The following CHSY3 variants were observed in gnomAD, a reference collection of about 807,000 sequenced individuals.
The protein encoded by CHSY3 is N-acetylgalactosaminyl-proteoglycan 3-beta-glucuronosyltransferase 3.
A neutral mutation model predicts 67.2 loss-of-function variants in CHSY3; 35 were observed. The observed-to-expected ratio is 0.52, with a 90% CI of 0.40 to 0.69. The LOEUF is 0.69. Among genes scored for constraint, CHSY3 ranks in the 30% least tolerant of loss-of-function variants. The pLI is 0.00. For missense variants in CHSY3, 1,069 were observed against 1,138.5 expected (o/e 0.94, Z 0.88); for synonymous variants, 474 against 434.7 (o/e 1.09, Z -1.12).
chr5:130,174,598 TTAATAA>T (rs1253146839), intron 2 of CHSY3, among the ~76,000 whole-genome samples: 3 of 152,066 alleles, frequency 2.0e-5, no homozygotes, highest in Non-Finnish European at 4.4e-5. Flanking sequence ...AATACCTACA[TTAATAA>T]TAATATAAAA....
At position 129,912,633 on chromosome 5, in the gene CHSY3, C is replaced by T. The variant is rs539263562; in HGVS notation, c.1086+4273C>T. Among the ~76,000 whole-genome samples the T allele has an allele frequency of 1.1e-4, 17 of 152,242 alleles. No homozygotes were observed. In the South Asian group the frequency reaches 2.9e-3, roughly 26 times the overall value. ...TATTTTGATATGTACTGCTTTTCACCAGGTTCCTAGTAAATTAATGTGCTC... is the reference window on the plus strand; with the variant it reads ...TATTTTGATATGTACTGCTTTTCACTAGGTTCCTAGTAAATTAATGTGCTC... On this transcript the variant is annotated intron_variant, in intron 2 of 2. Transcript: ENST00000305031.
chr5:130,161,252 C>T (rs954053425), intron 2 of CHSY3, among the ~76,000 whole-genome samples: 1 of 152,038 alleles, frequency 6.6e-6, no homozygotes, highest in Admixed American at 6.6e-5. Flanking sequence ...ATCCTTTGAC[C>T]ACTTATTAGA....
intron 2 of CHSY3, among the ~76,000 whole-genome samples, chr5:130,098,564 A>G (rs1282063103): frequency 6.6e-6 from 1 of 152,198 alleles, no homozygotes; most frequent in Non-Finnish European, 1.5e-5. Flanking sequence ...AAAATGGATA[A>G]TAATAACGTT....
At chr5:130,100,888 A>T (rs180802197) in intron 2 of CHSY3, among the ~76,000 whole-genome samples, 1 of 152,314 alleles carries the variant, frequency 6.6e-6, no homozygotes, top group Non-Finnish European at 1.5e-5. Flanking sequence ...TTTTGATCTA[A>T]TCAAACATAA....
chr5:129,951,014 A>C (rs1223826525), intron 2 of CHSY3, among the ~76,000 whole-genome samples: 3 of 152,178 alleles, frequency 2.0e-5, no homozygotes, highest in African/African-American at 7.2e-5. Flanking sequence ...ATAGTACTCA[A>C]AACAGTGTAG....
intron 2 of CHSY3, among the ~76,000 whole-genome samples, chr5:130,181,004 G>A (rs966159948): frequency 6.6e-6 from 1 of 152,056 alleles, no homozygotes. Flanking sequence ...CTACCTCTTG[G>A]CATTTATTCT....
intron 2 of CHSY3, among the ~76,000 whole-genome samples, chr5:129,964,427 C>T (rs988588409): frequency 2.6e-5 from 4 of 151,724 alleles, no homozygotes; most frequent in African/African-American, 9.7e-5. Context: ...TATAAATACC[C>T]TCCAGTAAAG....
chr5:130,180,118 G>T (rs369222621), intron 2 of CHSY3, among the ~76,000 whole-genome samples: 1 of 152,094 alleles, frequency 6.6e-6, no homozygotes, highest in Non-Finnish European at 1.5e-5. Flanking sequence ...TTTTCTTGGT[G>T]CTTTCTGAGA....
At chr5:129,939,569 A>G (rs1761632270) in intron 2 of CHSY3, among the ~76,000 whole-genome samples, 2 of 152,246 alleles carry the variant, frequency 1.3e-5, no homozygotes, top group Admixed American at 6.5e-5. Context: ...TAGAAATTAC[A>G]TACTTTGGAT....
intron 2 of CHSY3, among the ~76,000 whole-genome samples, chr5:129,925,893 G>A (rs10478903): frequency 1.5e-4 from 6 of 41,280 alleles, no homozygotes; most frequent in East Asian, 1.1e-3. Context: ...GTGTATATAT[G>A]TGTGTGTGCA....
At chr5:130,167,166 A>G (rs1239628781) in intron 2 of CHSY3, among the ~76,000 whole-genome samples, 2 of 152,058 alleles carry the variant, frequency 1.3e-5, no homozygotes, top group East Asian at 1.9e-4. Context: ...ATATACATAC[A>G]CAAAGCAAAG....
At chr5:130,023,494 G>A (rs1764450150) in intron 2 of CHSY3, among the ~76,000 whole-genome samples, 1 of 151,976 alleles carries the variant, frequency 6.6e-6, no homozygotes, top group African/African-American at 2.4e-5. Flanking sequence ...TAATGGGAAA[G>A]AAATTTCATA....
At chr5:129,984,098 C>A (rs116338398) in intron 2 of CHSY3, among the ~76,000 whole-genome samples, 50 of 151,924 alleles carry the variant, frequency 3.3e-4, no homozygotes, top group Admixed American at 7.2e-4. Flanking sequence ...TTGTGTGTTG[C>A]GGGAGTTTGA....
chr5:130,016,476 A>G (rs1281177584), intron 2 of CHSY3, among the ~76,000 whole-genome samples: 2 of 152,200 alleles, frequency 1.3e-5, no homozygotes, highest in African/African-American at 2.4e-5. Flanking sequence ...CAGTGGCACG[A>G]TCTCAGCTCA....
chr5:130,005,055 TAA>T (rs1052655854), intron 2 of CHSY3, among the ~76,000 whole-genome samples: 2 of 152,174 alleles, frequency 1.3e-5, no homozygotes, highest in African/African-American at 4.8e-5. Flanking sequence ...CTCAATATAT[TAA>T]AGTTTTTCGA....
At chr5:130,140,621 G>A (rs975054407) in intron 2 of CHSY3, 1 of 417,002 alleles carries the variant, frequency 2.4e-6, no homozygotes, top group South Asian at 4.1e-5. Context: ...TGACCTGGGA[G>A]ATGGCACTTT....
At chr5:130,066,317 C>CCT (rs1407777101) in intron 2 of CHSY3, among the ~76,000 whole-genome samples, 1 of 152,012 alleles carries the variant, frequency 6.6e-6, no homozygotes, top group Non-Finnish European at 1.5e-5. Context: ...CAAAATAATA[C>CCT]CGCATGATGA....
intron 2 of CHSY3, among the ~76,000 whole-genome samples, chr5:129,999,848 A>C (rs1017200585): frequency 5.3e-5 from 8 of 152,120 alleles, no homozygotes; most frequent in African/African-American, 1.9e-4. Context: ...ACAAAATAAA[A>C]ATGTTATAAA....
intron 2 of CHSY3, among the ~76,000 whole-genome samples, chr5:130,061,385 C>G (rs959232417): frequency 6.6e-6 from 1 of 151,598 alleles, no homozygotes; most frequent in African/African-American, 2.4e-5. Flanking sequence ...TTTATCTCTT[C>G]GCATATACAA....
Sources: allele counts gnomAD v4.1 joint callset (sites outside exome capture counted in the v4.1 genomes callset), GRCh38; gene constraint gnomAD v4.1.1; transcripts MANE v1.5; gene names NCBI Gene and HGNC (gene_info 2026-07-23, HGNC 2026-07-21).